The following ARB2A variants were observed in gnomAD, a reference collection of about 807,000 sequenced individuals.
ARB2A encodes the protein cotranscriptional regulator ARB2A.
chr5:93,649,280 TA>T, the ARB2A span, among the ~76,000 whole-genome samples: 12 of 152,172 alleles, frequency 7.9e-5, no homozygotes, highest in African/African-American at 2.9e-4. Flanking sequence ...GTCACAATGA[TA>T]AACTCTGGAC....
chr5:93,820,296 A>G, the ARB2A span, among the ~76,000 whole-genome samples: 1 of 152,222 alleles, frequency 6.6e-6, no homozygotes, highest in Admixed American at 6.5e-5. Context: ...AACCCTGTTA[A>G]TTTCCAAATT....
chr5:93,918,987 T>C, the ARB2A span, among the ~76,000 whole-genome samples: 1 of 152,194 alleles, frequency 6.6e-6, no homozygotes, highest in South Asian at 2.1e-4. Context: ...CAAACTCTGA[T>C]GTACATTACA....
At chr5:94,081,483 T>C in the ARB2A span, among the ~76,000 whole-genome samples, 3 of 152,210 alleles carry the variant, frequency 2.0e-5, no homozygotes, top group African/African-American at 7.2e-5. Context: ...GGTATATCCA[T>C]ACAATAGGAT....
chr5:94,077,370 C>G, the ARB2A span, among the ~76,000 whole-genome samples: 1 of 147,046 alleles, frequency 6.8e-6, no homozygotes, highest in East Asian at 2.0e-4. Flanking sequence ...GAGACTCTGT[C>G]TCAAAAAAAA....
At chr5:93,880,079 A>C in the ARB2A span, among the ~76,000 whole-genome samples, 1 of 151,836 alleles carries the variant, frequency 6.6e-6, no homozygotes. Flanking sequence ...GCATTGGAAC[A>C]AACAAGCTAC....
At chr5:93,674,969 T>C in the ARB2A span, among the ~76,000 whole-genome samples, 3 of 152,188 alleles carry the variant, frequency 2.0e-5, no homozygotes, top group African/African-American at 7.2e-5. Context: ...TTTATGTCTC[T>C]TGGTTCAAAC....
the ARB2A span, among the ~76,000 whole-genome samples, chr5:93,836,126 C>T: frequency 6.6e-6 from 1 of 152,168 alleles, no homozygotes; most frequent in Non-Finnish European, 1.5e-5. Context: ...CTCCCAGGTT[C>T]GCGCCATTCT....
the ARB2A span, among the ~76,000 whole-genome samples, chr5:93,650,825 TAAA>T: frequency 1.6e-5 from 2 of 127,530 alleles, no homozygotes; most frequent in Admixed American, 8.0e-5. Context: ...CTTTCTCTAC[TAAA>T]AAAAAAAAAA....
chr5:94,069,238 C>T, the ARB2A span, among the ~76,000 whole-genome samples: 4 of 152,122 alleles, frequency 2.6e-5, no homozygotes, highest in Admixed American at 6.5e-5. Context: ...AATATCTATA[C>T]GTAGAAGAAT....
chr5:93,677,530 C>T, the ARB2A span, among the ~76,000 whole-genome samples: 4 of 152,196 alleles, frequency 2.6e-5, no homozygotes, highest in Non-Finnish European at 5.9e-5. Flanking sequence ...GCTGGAATCC[C>T]CACTAAGATC....
chr5:94,063,900 C>T, the ARB2A span, among the ~76,000 whole-genome samples: 1 of 152,024 alleles, frequency 6.6e-6, no homozygotes, highest in Admixed American at 6.5e-5. Context: ...AGTTGATTCT[C>T]ACACCAGATA....
At chr5:93,820,431 AGAT>A in the ARB2A span, among the ~76,000 whole-genome samples, 15 of 152,342 alleles carry the variant, frequency 9.8e-5, no homozygotes, top group African/African-American at 3.4e-4. Context: ...CTGGAGAAAA[AGAT>A]GATGAAGAAG....
the ARB2A span, among the ~76,000 whole-genome samples, chr5:93,922,721 GATGA>G: frequency 5.3e-5 from 8 of 149,970 alleles, no homozygotes; most frequent in African/African-American, 2.0e-4. Context: ...CAACTTGGGA[GATGA>G]ATGTTTCCAA....
At chr5:93,648,561 A>C in the ARB2A span, among the ~76,000 whole-genome samples, 1 of 152,186 alleles carries the variant, frequency 6.6e-6, no homozygotes, top group Non-Finnish European at 1.5e-5. Context: ...GTTCTAGTAA[A>C]AGAGTTGATG....
chr5:94,107,834 A>T, the ARB2A span, among the ~76,000 whole-genome samples: 2 of 152,196 alleles, frequency 1.3e-5, no homozygotes, highest in African/African-American at 4.8e-5. Context: ...ATCTTACTGG[A>T]TTACTCAGGG....
the ARB2A span, among the ~76,000 whole-genome samples, chr5:93,666,768 C>T: frequency 7.2e-5 from 11 of 152,264 alleles, no homozygotes; most frequent in East Asian, 3.9e-4. Context: ...ATGCATATTC[C>T]GGATTTCTTT....
the ARB2A span, among the ~76,000 whole-genome samples, chr5:93,933,587 G>A: frequency 6.6e-6 from 1 of 152,066 alleles, no homozygotes; most frequent in Non-Finnish European, 1.5e-5. Context: ...TCACTCATAA[G>A]TGGCAGTTGA....
At chr5:93,661,654 G>A in the ARB2A span, among the ~76,000 whole-genome samples, 1 of 1,240 alleles carries the variant, frequency 8.1e-4, no homozygotes, top group South Asian at 0.042. Flanking sequence ...TAGCTGATCA[G>A]CTAAAAAAAA....
chr5:93,923,721 A>AT, the ARB2A span, among the ~76,000 whole-genome samples: 4 of 152,014 alleles, frequency 2.6e-5, no homozygotes, highest in African/African-American at 4.8e-5. Context: ...AGGTGGGAGG[A>AT]TTGCTTGAGC....
Sources: allele counts gnomAD v4.1 joint callset (sites outside exome capture counted in the v4.1 genomes callset), GRCh38; gene constraint gnomAD v4.1.1; transcripts MANE v1.5; gene names NCBI Gene and HGNC (gene_info 2026-07-23, HGNC 2026-07-21).